PDE7B: variants seen among roughly 807,000 people sequenced by gnomAD.
The protein encoded by PDE7B is 3',5'-cyclic-AMP phosphodiesterase 7B.
Under a neutral mutation model 56.2 loss-of-function variants are expected in PDE7B, and 29 were observed. That is an observed-to-expected ratio of 0.52 (90% CI 0.38 to 0.70). The LOEUF is 0.70. Ranked by LOEUF, PDE7B falls within the 30% of genes least tolerant of loss-of-function variation. The probability of loss-of-function intolerance (pLI) is 0.00; values close to 1 mark genes in which losing one functional copy is unlikely to be tolerated. For synonymous variants in PDE7B, 197 were observed against 196.9 expected, an observed-to-expected ratio of 1.00 and a Z score of 0.00; for missense variants, 490 against 565.0, an observed-to-expected ratio of 0.87 and a Z score of 1.35.
chr6:136,182,067 G>C (rs1466692583), intron 11 of PDE7B, among the ~76,000 whole-genome samples: 2 of 152,170 alleles, frequency 1.3e-5, no homozygotes, highest in African/African-American at 2.4e-5. Context: ...AATCAGGTTT[G>C]AGAGGCTGAG....
chr6:136,124,403 T>C (rs1463028442), intron 3 of PDE7B, among the ~76,000 whole-genome samples: 2 of 152,150 alleles, frequency 1.3e-5, no homozygotes, highest in Non-Finnish European at 2.9e-5. Context: ...CTGAGAAATA[T>C]AAGCAAAGCA....
At chr6:135,904,568 G>A (rs1776064287) in intron 1 of PDE7B, among the ~76,000 whole-genome samples, 1 of 152,038 alleles carries the variant, frequency 6.6e-6, no homozygotes. Context: ...TCAATCAAGG[G>A]GGTCTCAATA....
In PDE7B at chr6:136,179,010, C is replaced by T; in HGVS notation, c.817C>T (p.Gln273Ter). 1 of 1,614,152 alleles carries T rather than the reference C, an allele frequency of 6.2e-7. No homozygotes were observed. Among genetic ancestry groups the T allele is most frequent in the Non-Finnish European group, 8.5e-7 (1 of 1,179,994 alleles). The change falls in exon 10 of 13, where the codon CAG (glutamine) becomes TAG (stop). Residue 273 changes from glutamine (Q) to a stop codon, truncating the protein, a stop_gained. Transcript: ENST00000308191. LOFTEE classifies it high-confidence loss of function. The part of the protein sequence containing the change: ...LPKEMTQDIE[Q>*]QLGSLILATD... Reference sequence around the variant, plus strand: ...TTGTGGATGCAGACAGGATATTGAACAGCAGCTGGGCTCCTTGATCTTGGC... The same window carrying T: ...TTGTGGATGCAGACAGGATATTGAATAGCAGCTGGGCTCCTTGATCTTGGC...
intron 2 of PDE7B, among the ~76,000 whole-genome samples, chr6:136,020,232 G>A (rs573802231): frequency 3.3e-5 from 5 of 152,184 alleles, no homozygotes; most frequent in South Asian, 4.1e-4. Flanking sequence ...GATGTTTCTC[G>A]TGGACGAGGG....
chr6:136,181,483 CT>C (rs34957479), intron 11 of PDE7B, among the ~76,000 whole-genome samples, 160 bp downstream of exon 11: 1 of 152,160 alleles, frequency 6.6e-6, no homozygotes, highest in Non-Finnish European at 1.5e-5. Context: ...TCATCCAACC[CT>C]TTTTCGGAAA....
chr6:136,194,257 G>T lies in PDE7B; in HGVS notation c.*2417G>T, dbSNP rs1395051352. The T allele has an allele frequency of 6.6e-6, 1 of 152,056 alleles. No individual in the cohort carries two copies. Among genetic ancestry groups the T allele is most frequent in the Non-Finnish European group, 1.5e-5 (1 of 68,018 alleles). 9.4% of individuals were successfully genotyped at this position (152,056 alleles called of 1,614,324 possible). On this transcript the variant is annotated 3_prime_UTR_variant, in exon 13 of 13. Transcript: ENST00000308191. ...TGGGGTTTCTTGGGACTAAAAAATG[G>T]CTTTGTTTAAATTATAATTATATAA...
intron 3 of PDE7B, among the ~76,000 whole-genome samples, chr6:136,128,993 C>A (rs1778070444): frequency 6.6e-6 from 1 of 151,902 alleles, no homozygotes; most frequent in Non-Finnish European, 1.5e-5. Context: ...TCCAGCATTG[C>A]CTACCTAATT....
chr6:135,996,584 T>C (rs961452356), intron 2 of PDE7B, among the ~76,000 whole-genome samples: 1 of 152,238 alleles, frequency 6.6e-6, no homozygotes, highest in African/African-American at 2.4e-5. Context: ...TTTTCTCACA[T>C]TAACCCATTT....
chr6:135,937,939 G>C (rs149870668), intron 1 of PDE7B, among the ~76,000 whole-genome samples: 3 of 152,078 alleles, frequency 2.0e-5, no homozygotes, highest in Non-Finnish European at 2.9e-5. Flanking sequence ...TCTTCCTTCC[G>C]CAAAACCAGA....
chr6:136,098,789 A>G (rs1400530116), intron 2 of PDE7B, among the ~76,000 whole-genome samples: 2 of 141,372 alleles, frequency 1.4e-5, no homozygotes, highest in African/African-American at 5.4e-5. Flanking sequence ...TTTTTTTTTT[A>G]TTATTCTTAA....
chr6:136,176,634 CATGTTA>C (rs1778982967), intron 9 of PDE7B, among the ~76,000 whole-genome samples: 2 of 152,158 alleles, frequency 1.3e-5, no homozygotes, highest in East Asian at 1.9e-4. Context: ...TCTTTACTAA[CATGTTA>C]ATGTTAATTT....
At chr6:135,926,790 C>A (rs11154829) in intron 1 of PDE7B, among the ~76,000 whole-genome samples, 4 of 151,872 alleles carry the variant, frequency 2.6e-5, no homozygotes, top group Non-Finnish European at 5.9e-5. Flanking sequence ...TTCTACTGTG[C>A]GGCAAGTGCT....
At chr6:135,984,160 T>G (rs1775341365) in intron 2 of PDE7B, among the ~76,000 whole-genome samples, 1 of 152,212 alleles carries the variant, frequency 6.6e-6, no homozygotes, top group Non-Finnish European at 1.5e-5. Flanking sequence ...AGGAAGATTT[T>G]TCATCAGCCA....
At chr6:135,934,837 A>ATATTTATTTAAATAAATATT (rs1455426539) in intron 1 of PDE7B, among the ~76,000 whole-genome samples, 6 of 116,692 alleles carry the variant, frequency 5.1e-5, no homozygotes, top group Non-Finnish European at 1.7e-5. Flanking sequence ...AAATAAATAT[A>ATATTTATTTAAATAAATATT]TATATTTATT....
At chr6:136,066,094 AT>A (rs1776931874) in intron 2 of PDE7B, among the ~76,000 whole-genome samples, 1 of 152,002 alleles carries the variant, frequency 6.6e-6, no homozygotes, top group Non-Finnish European at 1.5e-5. Context: ...CTCTTTCCTT[AT>A]TTTTAGCCAG....
intron 1 of PDE7B, among the ~76,000 whole-genome samples, chr6:135,928,120 T>C (rs1345589271): frequency 6.6e-6 from 1 of 151,854 alleles, no homozygotes; most frequent in African/African-American, 2.4e-5. Context: ...CCCATTGTTA[T>C]TAAAAAGTTA....
rs551423285 is a variant in PDE7B at position 136,030,633 on chromosome 6, T to C, written c.83-78098T>C. ...TCACCATTCACTCATGCCTGGAATA[T>C]CACAGTGGGAAAGATTACCAGGCTT... On this transcript the variant is annotated intron_variant, in intron 2 of 12. Coordinates refer to ENST00000308191, the MANE Select transcript of PDE7B (RefSeq NM_018945.4). Among the ~76,000 whole-genome samples the C allele has an allele frequency of 1.4e-4, 21 of 152,352 alleles. No individual in the cohort carries two copies. In the South Asian group the frequency reaches 4.1e-3, roughly 30 times the overall value.
At chr6:136,008,825 G>A (rs575251854) in intron 2 of PDE7B, among the ~76,000 whole-genome samples, 1 of 152,072 alleles carries the variant, frequency 6.6e-6, no homozygotes, top group South Asian at 2.1e-4. Flanking sequence ...CTGTGCAGAA[G>A]CTCTTTAGTT....
chr6:136,192,164 C>G lies in PDE7B; in HGVS notation c.*324C>G. 1 of 352,426 alleles carries G rather than the reference C, an allele frequency of 2.8e-6. No homozygotes were observed. The allele number at this position is 352,426 out of a possible 1,614,324, so 21.8% of individuals were successfully genotyped here. On this transcript the variant is annotated 3_prime_UTR_variant, in exon 13 of 13. Coordinates refer to ENST00000308191, the MANE Select transcript of PDE7B (RefSeq NM_018945.4). ...CTGCCGTGTCCGCCTTGTTCCGGGT[C>G]GCACTGGAACAGGCAGCAATTCCTA...
Sources: gnomAD v4.1 joint callset for allele counts (sites outside exome capture counted in the v4.1 genomes callset) on GRCh38, gnomAD v4.1.1 for gene constraint, MANE v1.5 for transcripts, NCBI Gene and HGNC (gene_info 2026-07-23, HGNC 2026-07-21) for gene names.